DSCAML1: variants seen among roughly 807,000 people sequenced by gnomAD.
DSCAML1 encodes cell adhesion molecule DSCAML1.
DSCAML1 carries 38 observed loss-of-function variants against 200.5 expected under a neutral mutation model. That is an observed-to-expected ratio of 0.19 (90% CI 0.15 to 0.25). DSCAML1 has a LOEUF of 0.25. DSCAML1 is among the 10% of genes least tolerant of loss of function. DSCAML1 has a pLI of 1.00. For missense variants in DSCAML1, 2,223 were observed against 2,858.8 expected, an observed-to-expected ratio of 0.78 and a Z score of 5.07; for synonymous variants, 1,215 against 1,165.0, an observed-to-expected ratio of 1.04 and a Z score of -0.87.
At chr11:117,474,208 C>T (rs752986503) in intron 14 of DSCAML1, among the ~76,000 whole-genome samples, 92 of 152,250 alleles carry the variant, frequency 6.0e-4, no homozygotes, top group Non-Finnish European at 8.1e-4. Context: ...GTGACCTTCG[C>T]GGCACCAAAC....
At chr11:117,646,890 G>T (rs1017592129) in intron 3 of DSCAML1, among the ~76,000 whole-genome samples, 1 of 151,922 alleles carries the variant, frequency 6.6e-6, no homozygotes, top group Non-Finnish European at 1.5e-5. Context: ...CCAACATGGA[G>T]GAACCAAAGG....
At chr11:117,468,319 C>G (rs1051843872) in intron 16 of DSCAML1, among the ~76,000 whole-genome samples, 1 of 151,842 alleles carries the variant, frequency 6.6e-6, no homozygotes, top group Non-Finnish European at 1.5e-5. Context: ...AAAAAAAAAT[C>G]CCCTGAGAAG....
intron 3 of DSCAML1, among the ~76,000 whole-genome samples, chr11:117,723,640 G>T (rs941105865): frequency 3.3e-5 from 5 of 152,164 alleles, no homozygotes; most frequent in African/African-American, 1.2e-4. Context: ...AAGCCTGCCC[G>T]GGGTTGGCGT....
chr11:117,786,419 G>T (rs866007264), intron 1 of DSCAML1, among the ~76,000 whole-genome samples: 1 of 152,170 alleles, frequency 6.6e-6, no homozygotes, highest in Admixed American at 6.5e-5. Context: ...ACCAGAAATC[G>T]CCCCCAGGCA....
chr11:117,809,161 A>G (rs1298866369), intron 1 of DSCAML1, among the ~76,000 whole-genome samples: 1 of 152,240 alleles, frequency 6.6e-6, no homozygotes, highest in African/African-American at 2.4e-5. Context: ...AGGAGAGGCG[A>G]CCTCAGGAGT....
intron 3 of DSCAML1, among the ~76,000 whole-genome samples, chr11:117,670,297 TGCCGC>T: frequency 2.0e-5 from 3 of 152,090 alleles, no homozygotes; most frequent in Admixed American, 2.0e-4. Context: ...CCCCCACCAC[TGCCGC>T]CCCCCAGACC....
At chr11:117,720,611 G>A (rs1187660459) in intron 3 of DSCAML1, among the ~76,000 whole-genome samples, 1 of 152,232 alleles carries the variant, frequency 6.6e-6, no homozygotes, top group Non-Finnish European at 1.5e-5. Context: ...CAAAGAATTT[G>A]CTGAGTCTCA....
intron 4 of DSCAML1, among the ~76,000 whole-genome samples, chr11:117,531,167 C>G (rs912723823): frequency 6.6e-6 from 1 of 152,140 alleles, no homozygotes; most frequent in South Asian, 2.1e-4. Flanking sequence ...AGGAGCGCCT[C>G]TCTGTGACCT....
intron 3 of DSCAML1, among the ~76,000 whole-genome samples, chr11:117,627,875 G>A (rs1036833715): frequency 6.6e-6 from 1 of 151,986 alleles, no homozygotes; most frequent in Non-Finnish European, 1.5e-5. Flanking sequence ...GACTTCATGA[G>A]TGTTGCATTT....
chr11:117,806,941 C>G (rs973263866), intron 1 of DSCAML1, among the ~76,000 whole-genome samples: 19 of 152,220 alleles, frequency 1.2e-4, no homozygotes, highest in African/African-American at 4.6e-4. Context: ...TTTTCTGAAG[C>G]AAATTTCTTG....
At chr11:117,446,877 T>C (rs58777850) in intron 20 of DSCAML1, among the ~76,000 whole-genome samples, 46,633 of 152,142 alleles carry the variant, frequency 0.31, 7,522 homozygotes, top group South Asian at 0.39. Context: ...TGCATAAAGA[T>C]TTCTGTGAAG....
intron 19 of DSCAML1, among the ~76,000 whole-genome samples, chr11:117,454,084 A>T (rs1377746132): frequency 6.6e-6 from 1 of 152,068 alleles, no homozygotes; most frequent in Non-Finnish European, 1.5e-5. Flanking sequence ...ATCAGTTTTG[A>T]AACATTTTCA....
chr11:117,769,825 C>T (rs2055005992), intron 3 of DSCAML1, among the ~76,000 whole-genome samples: 1 of 151,802 alleles, frequency 6.6e-6, no homozygotes, highest in South Asian at 2.1e-4. Flanking sequence ...TAGAACAGAG[C>T]CTGGCAACTT....
intron 5 of DSCAML1, 105 bp from the exon 6 acceptor site, chr11:117,521,510 AG>A: frequency 7.9e-7 from 1 of 1,264,806 alleles, no homozygotes; most frequent in Non-Finnish European, 1.1e-6. Context: ...GGGTCACAAA[AG>A]GCCCAGGTTC....
intron 15 of DSCAML1, among the ~76,000 whole-genome samples, chr11:117,471,598 T>A (rs78712128): frequency 0.017 from 2,540 of 152,326 alleles, 75 homozygotes; most frequent in African/African-American, 0.057. Flanking sequence ...TACCCTATCT[T>A]GCAGATAGAT....
chr11:117,669,349 A>G (rs909456245), intron 3 of DSCAML1, among the ~76,000 whole-genome samples: 2 of 152,196 alleles, frequency 1.3e-5, no homozygotes, highest in African/African-American at 4.8e-5. Context: ...GCTCTGCCTC[A>G]CGTTGCCAGT....
In DSCAML1 at chr11:117,808,550, G is replaced by A. The variant is rs774731540; in HGVS notation, c.-250+8840C>T. On this transcript the variant is annotated intron_variant, in intron 1 of 2. Transcript: ENST00000525836. Reference sequence around the variant, plus strand: ...AGAGAGATCCCAGACTACAGAATCCGGGATCTGTATTTTCTGTTTCCCAGT... The same window carrying A: ...AGAGAGATCCCAGACTACAGAATCCAGGATCTGTATTTTCTGTTTCCCAGT... Among the ~76,000 whole-genome samples, 31 of 152,158 alleles carry A rather than the reference G, an allele frequency of 2.0e-4. 1 individual carries two copies. Among genetic ancestry groups the A allele is most frequent in the Non-Finnish European group, 4.3e-4 (29 of 68,040 alleles).
chr11:117,635,782 A>G (rs780934907), intron 3 of DSCAML1, among the ~76,000 whole-genome samples: 12 of 152,110 alleles, frequency 7.9e-5, no homozygotes, highest in Non-Finnish European at 1.8e-4. Context: ...ATGGCATGCA[A>G]AGGAGGAGGT....
intron 11 of DSCAML1, among the ~76,000 whole-genome samples, chr11:117,497,609 T>C (rs1031759465): frequency 9.2e-5 from 14 of 152,220 alleles, no homozygotes; most frequent in African/African-American, 3.4e-4. Context: ...TGGCTCATTC[T>C]CTCTTCCCTT....
Sources: gnomAD v4.1 joint callset for allele counts (sites outside exome capture counted in the v4.1 genomes callset) on GRCh38, gnomAD v4.1.1 for gene constraint, MANE v1.5 for transcripts, NCBI Gene and HGNC (gene_info 2026-07-23, HGNC 2026-07-21) for gene names.